GMPS: variants seen among roughly 807,000 people sequenced by gnomAD.
The protein encoded by GMPS is GMP synthase [glutamine-hydrolyzing].
GMPS carries 15 observed loss-of-function variants against 77.9 expected under a neutral mutation model. The ratio of observed to expected loss-of-function variants is 0.19; its 90% confidence interval spans 0.13 to 0.30. The LOEUF (loss-of-function observed/expected upper bound fraction) is 0.30, where lower values mean the gene tolerates loss of function less well. Among genes scored for constraint, GMPS ranks in the 10% least tolerant of loss-of-function variants. GMPS has a pLI of 1.00. For missense variants in GMPS, 590 were observed against 838.8 expected (o/e 0.70, Z 3.66); for synonymous variants, 224 against 275.9 (o/e 0.81, Z 1.86).
intron 1 of GMPS, among the ~76,000 whole-genome samples, chr3:155,873,838 T>C (rs1753965106): frequency 6.6e-6 from 1 of 151,780 alleles, no homozygotes; most frequent in Admixed American, 6.6e-5. Flanking sequence ...GGTTTCACTG[T>C]GTTAGCCAGG....
chr3:155,902,698 A>T (rs1432517442), intron 3 of GMPS, among the ~76,000 whole-genome samples: 3 of 152,208 alleles, frequency 2.0e-5, no homozygotes, highest in Non-Finnish European at 4.4e-5. Context: ...ATTTAATCAT[A>T]GACTAACACA....
intron 1 of GMPS, among the ~76,000 whole-genome samples, chr3:155,881,704 C>A (rs1055210564): frequency 2.6e-5 from 4 of 152,068 alleles, no homozygotes; most frequent in African/African-American, 9.7e-5. Context: ...TTGTCCTTTT[C>A]CTGAGACTAG....
At chr3:155,903,179 T>G (rs988636831) in intron 3 of GMPS, among the ~76,000 whole-genome samples, 2 of 152,224 alleles carry the variant, frequency 1.3e-5, no homozygotes, top group African/African-American at 4.8e-5. Flanking sequence ...ACTGCAGATC[T>G]AATGTTTGCA....
At chr3:155,888,660 G>C (rs184378979) in intron 1 of GMPS, among the ~76,000 whole-genome samples, 167 of 150,206 alleles carry the variant, frequency 1.1e-3, no homozygotes, top group African/African-American at 3.7e-3. Flanking sequence ...ATCTCAGCTC[G>C]CTGCAACCTT....
chr3:155,937,930 T>C lies in GMPS; in HGVS notation c.*238T>C. On this transcript the variant is annotated 3_prime_UTR_variant, in exon 16 of 16. Coordinates refer to ENST00000496455, the MANE Select transcript of GMPS (RefSeq NM_003875.3). ...CTACACTCAGACAGATTGATACTGCTTTTGCCTTTGCCTCACTTATTCTTT... is the reference window on the plus strand; with the variant it reads ...CTACACTCAGACAGATTGATACTGCCTTTGCCTTTGCCTCACTTATTCTTT... 2.5e-6 allele frequency: 1 copy of C among 402,600 alleles called. No homozygotes were observed. Among genetic ancestry groups the C allele is most frequent in the East Asian group, 3.7e-5 (1 of 27,378 alleles). 24.9% of individuals were successfully genotyped at this position (402,600 alleles called of 1,614,324 possible).
intron 1 of GMPS, among the ~76,000 whole-genome samples, chr3:155,886,364 A>G (rs1754336512): frequency 6.7e-6 from 1 of 150,050 alleles, no homozygotes; most frequent in Non-Finnish European, 1.5e-5. Context: ...TCATGAGGTC[A>G]GGTGTTTGAG....
At position 155,872,786 on chromosome 3, in the gene GMPS, T is replaced by C. The variant is rs1203902734; in HGVS notation, c.27+1889T>C. Among the ~76,000 whole-genome samples the C allele has an allele frequency of 4.6e-5, 7 of 152,260 alleles. No individual in the cohort carries two copies. The East Asian group carries it at 7.7e-4, about 17-fold the overall frequency. On this transcript the variant is annotated intron_variant, in intron 1 of 15. Transcript: ENST00000496455. The stretch of plus-strand genomic sequence containing the variant: ...TTTTAAAAACTATGTTAACAATTAG[T>C]TGTGGACTGAATTGGAAGCATTTTC...
intron 4 of GMPS, among the ~76,000 whole-genome samples, chr3:155,905,471 A>G (rs1553785745): frequency 6.6e-6 from 1 of 152,134 alleles, no homozygotes; most frequent in Non-Finnish European, 1.5e-5. Flanking sequence ...AGTTTCATTA[A>G]TTTGTTTGGC....
At chr3:155,886,676 A>G (rs1244295485) in intron 1 of GMPS, among the ~76,000 whole-genome samples, 1 of 121,030 alleles carries the variant, frequency 8.3e-6, no homozygotes, top group East Asian at 2.9e-4. Flanking sequence ...GCTGGAGTGC[A>G]GTGATGTGAT....
rs1008503557 is a variant in GMPS at position 155,942,449 on chromosome 3, T to C, written c.*4757T>C. 9 of 222,298 alleles carry C rather than the reference T, an allele frequency of 4.0e-5. No homozygotes were observed. Among genetic ancestry groups the C allele is most frequent in the Non-Finnish European group, 6.3e-5 (7 of 111,272 alleles). The allele number at this position is 222,298 out of a possible 1,614,324, so 13.8% of individuals were successfully genotyped here. A position where few individuals can be genotyped will look rare whatever the true frequency, so the allele number is the denominator to read the frequency against. On this transcript the variant is annotated 3_prime_UTR_variant, in exon 16 of 16. Transcript: ENST00000496455. ...TTCTTATTGAGGGCCATACCTAGCC[T>C]GTCTTCATCAAACTCATAGGTGAAT...
chr3:155,896,015 G>T (rs1291320166), intron 2 of GMPS, among the ~76,000 whole-genome samples: 2 of 141,742 alleles, frequency 1.4e-5, no homozygotes, highest in South Asian at 2.2e-4. Flanking sequence ...TTTTGTTTTT[G>T]TTTTTTTTTT....
At chr3:155,896,409 G>A (rs1754605208) in intron 2 of GMPS, among the ~76,000 whole-genome samples, 2 of 152,092 alleles carry the variant, frequency 1.3e-5, no homozygotes, top group South Asian at 4.1e-4. Context: ...TTTATCATCT[G>A]AGTAGCTTGT....
At chr3:155,893,393 C>A in intron 1 of GMPS, 125 bp from the exon 2 acceptor site, 1 of 610,702 alleles carries the variant, frequency 1.6e-6, no homozygotes, top group Non-Finnish European at 2.8e-6. Context: ...GAATTGGTAA[C>A]TCAGAAAGTC....
chr3:155,919,482 A>G lies in GMPS; in HGVS notation c.1318+144A>G, dbSNP rs1755265151. The G allele has an allele frequency of 7.1e-6, 4 of 566,264 alleles. No homozygotes were observed. In the South Asian group the frequency reaches 1.0e-4, roughly 15 times the overall value. The allele number at this position is 566,264 out of a possible 1,614,324, so 35.1% of individuals were successfully genotyped here. A position where few individuals can be genotyped will look rare whatever the true frequency, so the allele number is the denominator to read the frequency against. Reference sequence around the variant, plus strand: ...GGAAAGGATGGTTAGGGAATAATTGAAATCTTTTGAGTATCTACTGTATTT... The same window carrying G: ...GGAAAGGATGGTTAGGGAATAATTGGAATCTTTTGAGTATCTACTGTATTT... On this transcript the variant is annotated intron_variant, in intron 10 of 15. Coordinates refer to ENST00000496455, the MANE Select transcript of GMPS (RefSeq NM_003875.3).
upstream of GMPS, chr3:155,870,566 A>C: frequency 3.1e-6 from 1 of 322,138 alleles, no homozygotes; most frequent in East Asian, 4.6e-5. Context: ...GCGGCTGCGG[A>C]GGGTATCTGA....
chr3:155,906,607 C>T (rs1263810422), intron 5 of GMPS, among the ~76,000 whole-genome samples: 1 of 152,178 alleles, frequency 6.6e-6, no homozygotes, highest in Non-Finnish European at 1.5e-5. Flanking sequence ...TTCAGAGTTA[C>T]TTGTCTTTTA....
chr3:155,917,963 G>T (rs921773394), intron 9 of GMPS, among the ~76,000 whole-genome samples: 8 of 152,120 alleles, frequency 5.3e-5, no homozygotes, highest in Non-Finnish European at 1.2e-4. Flanking sequence ...TTATCTTTTG[G>T]ATATATGCCC....
chr3:155,908,684 T>A (rs1754957345), intron 5 of GMPS, among the ~76,000 whole-genome samples: 1 of 152,136 alleles, frequency 6.6e-6, no homozygotes, highest in Non-Finnish European at 1.5e-5. Flanking sequence ...AGCTCCCAAG[T>A]TTTTTTGCCT....
Position 155,870,680 on chromosome 3 carries a change from G to A in GMPS, c.-191G>A. 6.0e-6 allele frequency: 3 copies of A among 503,594 alleles called. No individual in the cohort carries two copies. The highest frequency in any genetic ancestry group is 2.6e-5 in the South Asian group (1 of 39,022). 31.2% of individuals were successfully genotyped at this position (503,594 alleles called of 1,614,324 possible). ...GCGCGCTGCTGGTCTTCTCTCCCGC[G>A]GCGCTGGGGCCCGCGCTCCGCTGCT... On this transcript the variant is annotated 5_prime_UTR_variant, in exon 1 of 16. Coordinates refer to ENST00000496455, the MANE Select transcript of GMPS (RefSeq NM_003875.3).
Sources: allele counts gnomAD v4.1 joint callset (sites outside exome capture counted in the v4.1 genomes callset), GRCh38; gene constraint gnomAD v4.1.1; transcripts MANE v1.5; gene names NCBI Gene and HGNC (gene_info 2026-07-23, HGNC 2026-07-21).